The following AIG1 variants were observed in gnomAD, a reference collection of about 807,000 sequenced individuals.
AIG1 encodes the protein androgen induced 1.
A neutral mutation model predicts 31.4 loss-of-function variants in AIG1; 23 were observed. That is an observed-to-expected ratio of 0.73 (90% confidence interval 0.53 to 1.04). The LOEUF is 1.04. Among genes scored for constraint, AIG1 ranks in the 50% least tolerant of loss-of-function variants. The pLI is 0.00. For missense variants in AIG1, 274 were observed against 295.0 expected (o/e 0.93, Z 0.52); for synonymous variants, 100 against 110.5 (o/e 0.90, Z 0.60).
chr6:143,097,609 G>A (rs1053060925), intron 1 of AIG1, among the ~76,000 whole-genome samples: 5 of 152,046 alleles, frequency 3.3e-5, no homozygotes, highest in African/African-American at 1.2e-4. Flanking sequence ...ACTTACCTAG[G>A]CAGTTTCATC....
intron 3 of AIG1, among the ~76,000 whole-genome samples, chr6:143,283,059 C>G (rs1284034523): frequency 6.6e-6 from 1 of 152,146 alleles, no homozygotes; most frequent in Non-Finnish European, 1.5e-5. Context: ...GAGAAAGTCT[C>G]CAGTATTGGA....
intron 3 of AIG1, among the ~76,000 whole-genome samples, chr6:143,171,182 C>G (rs1298002834): frequency 6.6e-6 from 1 of 151,230 alleles, no homozygotes; most frequent in Non-Finnish European, 1.5e-5. Flanking sequence ...TCTTTTATCC[C>G]TCATCCACCT....
intron 3 of AIG1, chr6:143,187,461 C>T (rs1324768139): frequency 4.6e-6 from 7 of 1,535,320 alleles, no homozygotes; most frequent in Non-Finnish European, 5.2e-6. Context: ...TGAAGTTTGG[C>T]ACTCGACACT....
chr6:143,124,296 A>G (rs1354139076), intron 1 of AIG1, among the ~76,000 whole-genome samples: 2 of 152,184 alleles, frequency 1.3e-5, no homozygotes, highest in Non-Finnish European at 2.9e-5. Flanking sequence ...TGCCCCACTC[A>G]TCAGTGGTGT....
At chr6:143,198,212 AC>A (rs1214007031) in intron 3 of AIG1, among the ~76,000 whole-genome samples, 1 of 152,204 alleles carries the variant, frequency 6.6e-6, no homozygotes, top group Non-Finnish European at 1.5e-5. Context: ...ATTCCATTTT[AC>A]AGATTTTTAA....
chr6:143,243,030 C>T (rs1562519833), intron 3 of AIG1, among the ~76,000 whole-genome samples: 2 of 152,122 alleles, frequency 1.3e-5, no homozygotes, highest in Admixed American at 6.5e-5. Context: ...ACATTATTTC[C>T]ATCCTAGATC....
intron 2 of AIG1, 129 bp downstream of exon 2, chr6:143,137,119 A>G (rs1374939379): frequency 6.9e-6 from 7 of 1,013,926 alleles, no homozygotes; most frequent in Admixed American, 3.7e-5. Context: ...TGTCAGTACC[A>G]CAGATGCGGT....
intron 4 of AIG1, among the ~76,000 whole-genome samples, chr6:143,310,842 C>G (rs1426325139): frequency 6.6e-6 from 1 of 151,632 alleles, no homozygotes; most frequent in Non-Finnish European, 1.5e-5. Context: ...ATTTGATAAT[C>G]TAGATAAAAT....
At chr6:143,182,824 A>T (rs533671126) in intron 3 of AIG1, among the ~76,000 whole-genome samples, 1 of 152,214 alleles carries the variant, frequency 6.6e-6, no homozygotes, top group Non-Finnish European at 1.5e-5. Flanking sequence ...CCTTATCAAT[A>T]TATGTCCATG....
chr6:143,237,532 C>T (rs572285467), intron 3 of AIG1, among the ~76,000 whole-genome samples: 4 of 152,260 alleles, frequency 2.6e-5, no homozygotes, highest in African/African-American at 9.6e-5. Context: ...ATCAGAAAAG[C>T]AGGATATTTA....
At chr6:143,114,400 T>C (rs1173288480) in intron 1 of AIG1, among the ~76,000 whole-genome samples, 1 of 152,246 alleles carries the variant, frequency 6.6e-6, no homozygotes, top group Non-Finnish European at 1.5e-5. Flanking sequence ...CTGTTTTAGT[T>C]ACATGTTTTC....
chr6:143,102,728 G>A (rs1338970926), intron 1 of AIG1, among the ~76,000 whole-genome samples: 1 of 151,408 alleles, frequency 6.6e-6, no homozygotes, highest in Non-Finnish European at 1.5e-5. Flanking sequence ...ATTTTGTTTT[G>A]GTTAACAGAT....
intron 2 of AIG1, among the ~76,000 whole-genome samples, chr6:143,152,873 G>A (rs914600237): frequency 1.3e-5 from 2 of 152,172 alleles, no homozygotes; most frequent in African/African-American, 2.4e-5. Flanking sequence ...GGCAATTTGG[G>A]TTCTGTAGGT....
chr6:143,065,262 G>A (rs577162066), intron 1 of AIG1, among the ~76,000 whole-genome samples: 2 of 152,232 alleles, frequency 1.3e-5, no homozygotes, highest in Admixed American at 6.5e-5. Context: ...GCTGAGCTTC[G>A]GCTTAGAGGC....
chr6:143,188,952 T>C lies in AIG1; in HGVS notation c.399+23769T>C, dbSNP rs182010114. The C allele has an allele frequency of 7.1e-6, 7 of 984,050 alleles. No homozygotes were observed. In the East Asian group the frequency reaches 6.8e-4, roughly 96 times the overall value. The allele number at this position is 984,050 out of a possible 1,614,324, so 61.0% of individuals were successfully genotyped here. On this transcript the variant is annotated intron_variant, in intron 3 of 5. Transcript: ENST00000357847. ...GCTCAAGCCTTCCAGACTCATCATT[T>C]TGTAGTTAAAAAAGTAAGCCATGCA...
intron 1 of AIG1, among the ~76,000 whole-genome samples, chr6:143,083,826 C>G (rs746807039): frequency 1.3e-5 from 2 of 152,176 alleles, no homozygotes; most frequent in Non-Finnish European, 2.9e-5. Context: ...GTTGCCCAGA[C>G]TTCAGGATTA....
intron 1 of AIG1, among the ~76,000 whole-genome samples, chr6:143,087,835 A>G (rs6910964): frequency 0.062 from 9,392 of 152,286 alleles, 685 homozygotes; most frequent in East Asian, 0.37. Context: ...TCGCTATAGA[A>G]TGGGATAGAA....
At chr6:143,198,283 C>A (rs936017982) in intron 3 of AIG1, among the ~76,000 whole-genome samples, 1 of 152,136 alleles carries the variant, frequency 6.6e-6, no homozygotes, top group African/African-American at 2.4e-5. Flanking sequence ...AAAATGCAAA[C>A]AAAAGTTTGC....
chr6:143,065,030 A>T (rs1300536656), intron 1 of AIG1, among the ~76,000 whole-genome samples: 1 of 152,200 alleles, frequency 6.6e-6, no homozygotes, highest in Non-Finnish European at 1.5e-5. Context: ...CATGGTGGGG[A>T]GATCATAAGA....
Sources: gnomAD v4.1 joint callset for allele counts (sites outside exome capture counted in the v4.1 genomes callset) on GRCh38, gnomAD v4.1.1 for gene constraint, MANE v1.5 for transcripts, NCBI Gene and HGNC (gene_info 2026-07-23, HGNC 2026-07-21) for gene names.